PDE1C: variants seen among roughly 807,000 people sequenced by gnomAD.
PDE1C encodes dual specificity calcium/calmodulin-dependent 3',5'-cyclic nucleotide phosphodiesterase 1C.
A neutral mutation model predicts 93.1 loss-of-function variants in PDE1C; 62 were observed. The ratio of observed to expected loss-of-function variants is 0.67; its 90% CI spans 0.54 to 0.82. The LOEUF (loss-of-function observed/expected upper bound fraction) is 0.82. Ranked by LOEUF, PDE1C falls within the 40% of genes least tolerant of loss-of-function variation. The pLI is 0.00. For synonymous variants in PDE1C, 325 were observed against 310.1 expected, an observed-to-expected ratio of 1.05 and a Z score of -0.50; for missense variants, 742 against 884.6, an observed-to-expected ratio of 0.84 and a Z score of 2.04.
intron 1 of PDE1C, among the ~76,000 whole-genome samples, chr7:32,343,694 G>A (rs1476494058): frequency 6.6e-6 from 1 of 152,082 alleles, no homozygotes; most frequent in Non-Finnish European, 1.5e-5. Flanking sequence ...CCTCATTTAT[G>A]GCCTGCTTTG....
intron 17 of PDE1C, among the ~76,000 whole-genome samples, chr7:31,753,879 C>T (rs1048727897): frequency 1.3e-5 from 2 of 152,150 alleles, no homozygotes; most frequent in Non-Finnish European, 2.9e-5. Context: ...GCAAAGCAAA[C>T]AAGGTGAACA....
chr7:32,349,517 G>A (rs1250850050), intron 1 of PDE1C, among the ~76,000 whole-genome samples: 1 of 152,212 alleles, frequency 6.6e-6, no homozygotes, highest in Non-Finnish European at 1.5e-5. Context: ...GCACTCTCTG[G>A]AGAGGTGTTT....
the PDE1C span, among the ~76,000 whole-genome samples, chr7:31,728,025 C>T: frequency 6.6e-6 from 1 of 152,134 alleles, no homozygotes; most frequent in Non-Finnish European, 1.5e-5. Flanking sequence ...GCTTGGGTGA[C>T]AGAGCAAGAC....
intron 17 of PDE1C, among the ~76,000 whole-genome samples, chr7:31,757,217 T>A (rs1472833228): frequency 6.6e-6 from 1 of 152,192 alleles, no homozygotes; most frequent in Non-Finnish European, 1.5e-5. Flanking sequence ...CTAACCTCAT[T>A]ACTAGAAAAT....
At chr7:32,213,495 A>G (rs568493034) in intron 1 of PDE1C, among the ~76,000 whole-genome samples, 1 of 152,340 alleles carries the variant, frequency 6.6e-6, no homozygotes, top group East Asian at 1.9e-4. Flanking sequence ...CACTACAAAA[A>G]GTGCTGTCGC....
At chr7:31,669,392 A>G in the PDE1C span, among the ~76,000 whole-genome samples, 7 of 152,236 alleles carry the variant, frequency 4.6e-5, no homozygotes, top group Admixed American at 1.3e-4. Flanking sequence ...ACAAAAAATA[A>G]TCTGTTAATA....
Position 31,895,160 on chromosome 7 carries a change from C to T in PDE1C, c.129-14300G>A, listed in dbSNP as rs555783242. On this transcript the variant is annotated intron_variant, in intron 2 of 17. Transcript: ENST00000396191. ...GGAAGATTTCAGAGGTCCCCTGTGC[C>T]CTGCAAAGGGACAGGAAGCAGCTGA... Among the ~76,000 whole-genome samples the T allele has an allele frequency of 7.2e-5, 11 of 152,192 alleles. No individual in the cohort carries two copies. In the East Asian group the frequency reaches 1.2e-3, roughly 16 times the overall value.
In PDE1C at chr7:32,350,560, A is replaced by C. The variant is rs1192198154; in HGVS notation, c.310+77262T>G. Among the ~76,000 whole-genome samples, 4 of 814 alleles carry C rather than the reference A, an allele frequency of 4.9e-3. 1 individual carries two copies. Among genetic ancestry groups the C allele is most frequent in the African/African-American group, 3.3e-3 (2 of 614 alleles). The allele number at this position is 814 out of a possible 152,430, so 0.5% of individuals were successfully genotyped here. A position where few individuals can be genotyped will look rare whatever the true frequency, so the allele number is the denominator to read the frequency against. On this transcript the variant is annotated intron_variant, in intron 1 of 1. Transcript: ENST00000672256. Reference sequence around the variant, plus strand: ...TGGCATTTGACTAATATATATATATATATATATATATATATATATATATAT... The same window carrying C: ...TGGCATTTGACTAATATATATATATCTATATATATATATATATATATATAT...
Position 31,837,202 on chromosome 7 carries a change from A to G in PDE1C, c.1181T>C (p.Leu394Pro). The G allele has an allele frequency of 6.2e-7, 1 of 1,613,794 alleles. No individual in the cohort carries two copies. Among genetic ancestry groups the G allele is most frequent in the Non-Finnish European group, 8.5e-7 (1 of 1,179,786 alleles). The change falls in exon 11 of 18, where the codon CTC becomes CCC. Residue 394 changes from leucine to proline, a missense_variant. Coordinates refer to ENST00000396191, the MANE Select transcript of PDE1C (RefSeq NM_001191057.4). ...WDLHHRWTMS[L>P]LEEFFRQGDR... ...TACCTGTCTGAAGAACTCCTCCAGGAGTGACATTGTCCAGCGATGATGGAG... is the reference window on the plus strand; with the variant it reads ...TACCTGTCTGAAGAACTCCTCCAGGGGTGACATTGTCCAGCGATGATGGAG...
At chr7:31,661,067 G>T in the PDE1C span, among the ~76,000 whole-genome samples, 1 of 150,172 alleles carries the variant, frequency 6.7e-6, no homozygotes, top group African/African-American at 2.5e-5. Context: ...TCGAGAAAAG[G>T]TAATATCAAT....
intron 3 of PDE1C, among the ~76,000 whole-genome samples, chr7:32,161,990 G>A (rs544576682): frequency 1.3e-5 from 2 of 152,276 alleles, no homozygotes; most frequent in African/African-American, 4.8e-5. Context: ...CATTCTCTAG[G>A]GGGAGTCAGC....
At chr7:31,801,143 G>A (rs945938830) in intron 16 of PDE1C, among the ~76,000 whole-genome samples, 15 of 150,650 alleles carry the variant, frequency 1.0e-4, no homozygotes, top group African/African-American at 3.6e-4. Flanking sequence ...TAATAAAGAT[G>A]GATATTAATA....
downstream of PDE1C, among the ~76,000 whole-genome samples, chr7:31,750,599 C>T (rs991610323): frequency 1.3e-5 from 2 of 152,224 alleles, no homozygotes; most frequent in African/African-American, 4.8e-5. Flanking sequence ...TCTCAATTTA[C>T]AGCTAAAGAA....
chr7:32,107,145 TA>T (rs1195638351), intron 3 of PDE1C, among the ~76,000 whole-genome samples: 2 of 97,494 alleles, frequency 2.1e-5, no homozygotes, highest in South Asian at 6.9e-4. Flanking sequence ...AACTGAAATG[TA>T]AAGAAAAAAA....
intron 3 of PDE1C, among the ~76,000 whole-genome samples, chr7:32,149,068 A>G (rs914361095): frequency 2.6e-5 from 4 of 152,204 alleles, no homozygotes; most frequent in African/African-American, 7.2e-5. Flanking sequence ...AGTACCTTCA[A>G]TTGACCACAC....
chr7:32,219,370 G>GT (rs1012226201), intron 1 of PDE1C, among the ~76,000 whole-genome samples: 19 of 152,174 alleles, frequency 1.2e-4, no homozygotes, highest in Non-Finnish European at 2.4e-4. Flanking sequence ...AGCAAGAAAA[G>GT]TTTTTTTATT....
In PDE1C at chr7:32,372,428, C is replaced by T. The variant is rs369890147; in HGVS notation, c.310+55394G>A. Among the ~76,000 whole-genome samples the T allele has an allele frequency of 7.2e-5, 11 of 152,274 alleles. 2 individuals carry two copies. The highest frequency in any genetic ancestry group is 1.9e-4 in the East Asian group (1 of 5,180). On this transcript the variant is annotated intron_variant, in intron 1 of 1. Coordinates refer to the PDE1C transcript ENST00000672256. Reference sequence around the variant, plus strand: ...TTTTCAATAAGTGGTTCTGGGACAACTGGATATCTACATCCAAATGGAAGT... The same window carrying T: ...TTTTCAATAAGTGGTTCTGGGACAATTGGATATCTACATCCAAATGGAAGT...
At chr7:31,927,025 C>G (rs1001023769) in intron 2 of PDE1C, among the ~76,000 whole-genome samples, 3 of 152,160 alleles carry the variant, frequency 2.0e-5, no homozygotes, top group African/African-American at 7.2e-5. Flanking sequence ...TCAGTGGGTT[C>G]CACTTCCATG....
At chr7:31,835,413 T>A (rs541010465) in intron 11 of PDE1C, among the ~76,000 whole-genome samples, 1 of 151,802 alleles carries the variant, frequency 6.6e-6, no homozygotes, top group East Asian at 1.9e-4. Flanking sequence ...CACCATGGAG[T>A]CCCCTTTGAG....
Sources: allele counts gnomAD v4.1 joint callset (sites outside exome capture counted in the v4.1 genomes callset), GRCh38; gene constraint gnomAD v4.1.1; transcripts MANE v1.5; gene names NCBI Gene and HGNC (gene_info 2026-07-23, HGNC 2026-07-21).